The following ROBO1 variants were observed in gnomAD, a reference collection of about 807,000 sequenced individuals.
ROBO1 encodes roundabout guidance receptor 1, also known as roundabout homolog 1.
A neutral mutation model predicts 195.9 loss-of-function variants in ROBO1; 149 were observed. The ratio of observed to expected loss-of-function variants is 0.76; its 90% CI spans 0.67 to 0.87. ROBO1 has a LOEUF of 0.87. Among genes scored for constraint, ROBO1 ranks in the 40% least tolerant of loss-of-function variants. The probability of loss-of-function intolerance (pLI) is 0.00; values close to 1 mark genes in which losing one functional copy is unlikely to be tolerated. For synonymous variants in ROBO1, 816 were observed against 733.2 expected (o/e 1.11, Z -1.82); for missense variants, 1,933 against 2,068.3 (o/e 0.93, Z 1.27).
intron 2 of ROBO1, among the ~76,000 whole-genome samples, chr3:79,146,693 C>T (rs1450099271): frequency 2.0e-5 from 3 of 151,740 alleles, no homozygotes; most frequent in Non-Finnish European, 4.4e-5. Context: ...TAAATGTATG[C>T]TACTTTATAG....
At chr3:79,287,399 T>C (rs11925648) in intron 2 of ROBO1, among the ~76,000 whole-genome samples, 8,634 of 152,204 alleles carry the variant, frequency 0.057, 348 homozygotes, top group African/African-American at 0.12. Flanking sequence ...TCCAGACATA[T>C]GCAAACCCCA....
chr3:79,529,877 A>G (rs1941578731), intron 2 of ROBO1, among the ~76,000 whole-genome samples: 1 of 152,334 alleles, frequency 6.6e-6, no homozygotes, highest in East Asian at 1.9e-4. Flanking sequence ...TAATAAATAA[A>G]TGTATTAAAA....
intron 2 of ROBO1, among the ~76,000 whole-genome samples, chr3:79,396,722 C>T (rs1425957742): frequency 1.3e-5 from 2 of 151,994 alleles, no homozygotes; most frequent in African/African-American, 2.4e-5. Flanking sequence ...TAAAATGAGT[C>T]AAAAGTTTCT....
chr3:79,159,876 T>A (rs868404748), intron 2 of ROBO1, among the ~76,000 whole-genome samples: 3 of 152,026 alleles, frequency 2.0e-5, no homozygotes, highest in South Asian at 2.1e-4. Context: ...TGAGGCATGA[T>A]GAGGCTTTTA....
At chr3:79,402,029 C>G (rs1274074123) in intron 2 of ROBO1, among the ~76,000 whole-genome samples, 3 of 151,502 alleles carry the variant, frequency 2.0e-5, no homozygotes, top group Admixed American at 6.6e-5. Context: ...CATTTTGATT[C>G]TTTTTTATTT....
intron 3 of ROBO1, among the ~76,000 whole-genome samples, chr3:78,958,926 G>A (rs1221290825): frequency 6.7e-6 from 1 of 150,342 alleles, no homozygotes; most frequent in Admixed American, 6.7e-5. Flanking sequence ...CCAGGCTCAA[G>A]TGATCCTCCC....
At chr3:79,376,793 G>A (rs895640313) in intron 2 of ROBO1, among the ~76,000 whole-genome samples, 1 of 152,032 alleles carries the variant, frequency 6.6e-6, no homozygotes, top group Non-Finnish European at 1.5e-5. Context: ...TATTTTAAAG[G>A]TAGTAAAAAG....
At chr3:78,854,801 G>A (rs972186325) in intron 4 of ROBO1, among the ~76,000 whole-genome samples, 7 of 152,072 alleles carry the variant, frequency 4.6e-5, no homozygotes, top group African/African-American at 1.7e-4. Context: ...ATGCGATGAA[G>A]ATTATAGGTT....
chr3:78,971,144 C>T (rs2076756031), intron 3 of ROBO1, among the ~76,000 whole-genome samples: 1 of 152,124 alleles, frequency 6.6e-6, no homozygotes, highest in African/African-American at 2.4e-5. Context: ...ATAATCCCAG[C>T]ACTTTGGGAG....
At chr3:78,777,125 T>C (rs2083530663) in intron 4 of ROBO1, among the ~76,000 whole-genome samples, 1 of 152,160 alleles carries the variant, frequency 6.6e-6, no homozygotes, top group Non-Finnish European at 1.5e-5. Context: ...ATGGAAAGTT[T>C]ATGCCAAACT....
intron 2 of ROBO1, among the ~76,000 whole-genome samples, chr3:79,337,067 C>G (rs901773789): frequency 6.6e-6 from 1 of 152,178 alleles, no homozygotes; most frequent in African/African-American, 2.4e-5. Context: ...GCCTGTACCT[C>G]CATTGTATTT....
intron 2 of ROBO1, among the ~76,000 whole-genome samples, chr3:79,537,424 A>G (rs1046122238): frequency 6.6e-6 from 1 of 152,100 alleles, no homozygotes. Context: ...GGATAACTGA[A>G]ATGTCCCACT....
rs959633172 is a variant in ROBO1, at chr3:78,717,403, T to C, written c.789A>G (p.Ser263=). 2.5e-6 allele frequency: 4 copies of C among 1,613,654 alleles called. No individual in the cohort carries two copies. Among genetic ancestry groups the C allele is most frequent in the Non-Finnish European group, 2.5e-6 (3 of 1,179,662 alleles). Reference sequence around the variant, plus strand: ...CCAAGTTACTGGGTCTCTTCACAAATGATGGTCTCTCTAAAATTAAAAAGA... The same window carrying C: ...CCAAGTTACTGGGTCTCTTCACAAACGATGGTCTCTCTAAAATTAAAAAGA... The part of the protein sequence containing the change: ...VAELTVLERP[S]FVKRPSNLAV... The change falls in exon 7 of 31, where the codon TCA becomes TCG. Residue 263 remains serine (S), a synonymous_variant. Transcript: ENST00000464233.
chr3:78,778,236 C>T (rs1186964229), intron 4 of ROBO1, among the ~76,000 whole-genome samples: 1 of 152,094 alleles, frequency 6.6e-6, no homozygotes, highest in Non-Finnish European at 1.5e-5. Context: ...TTGGGTTTGC[C>T]AGTATTTTAT....
At chr3:78,855,510 C>A (rs915675742) in intron 4 of ROBO1, among the ~76,000 whole-genome samples, 1 of 152,188 alleles carries the variant, frequency 6.6e-6, no homozygotes, top group Non-Finnish European at 1.5e-5. Flanking sequence ...CACCTCCGCA[C>A]TGCTAGGATA....
At chr3:78,790,425 G>A (rs550572770) in intron 4 of ROBO1, among the ~76,000 whole-genome samples, 20 of 152,138 alleles carry the variant, frequency 1.3e-4, no homozygotes, top group Admixed American at 1.2e-3. Context: ...TAGAGTACAT[G>A]AGATATTCAT....
At chr3:78,921,872 C>T (rs986017296) in intron 4 of ROBO1, among the ~76,000 whole-genome samples, 2 of 151,808 alleles carry the variant, frequency 1.3e-5, no homozygotes, top group Admixed American at 6.6e-5. Context: ...CTGCAACCTC[C>T]GCCTCTCGGG....
intron 2 of ROBO1, among the ~76,000 whole-genome samples, chr3:79,318,868 T>C (rs1447911359): frequency 6.6e-6 from 1 of 152,190 alleles, no homozygotes; most frequent in Non-Finnish European, 1.5e-5. Flanking sequence ...CTATCTGTTT[T>C]TAAATTTTCT....
At chr3:79,543,792 C>A (rs530812779) in intron 2 of ROBO1, among the ~76,000 whole-genome samples, 2 of 152,094 alleles carry the variant, frequency 1.3e-5, no homozygotes, top group South Asian at 2.1e-4. Context: ...CATTGGCAGG[C>A]CCCATGAGAT....
Sources: gnomAD v4.1 joint callset for allele counts (sites outside exome capture counted in the v4.1 genomes callset) on GRCh38, gnomAD v4.1.1 for gene constraint, MANE v1.5 for transcripts, NCBI Gene and HGNC (gene_info 2026-07-23, HGNC 2026-07-21) for gene names.